The following EDN3 variants were observed in gnomAD, a reference collection of about 807,000 sequenced individuals.
EDN3 encodes the protein endothelin 3, also known as endothelin-3.
In EDN3, 9 loss-of-function variants were observed where a neutral mutation model predicts 21.4. The observed-to-expected ratio is 0.42, with a 90% CI of 0.25 to 0.73. EDN3 has a LOEUF of 0.73. EDN3 is among the 30% of genes least tolerant of loss of function. The pLI is 0.26. For missense variants in EDN3, 327 were observed against 309.4 expected, an observed-to-expected ratio of 1.06 and a Z score of -0.43; for synonymous variants, 133 against 126.2, an observed-to-expected ratio of 1.05 and a Z score of -0.36.
chr20:59,310,618 T>C lies in EDN3; in HGVS notation c.365+8896T>C, dbSNP rs192635391. On this transcript the variant is annotated intron_variant, in intron 2 of 4. Coordinates refer to ENST00000337938, the MANE Select transcript of EDN3 (RefSeq NM_207034.3). The stretch of plus-strand genomic sequence containing the variant: ...TTGGAAGCACTGGCCTCTTCTTCTT[T>C]TGTGGCCTCCTCAGGGCAGACTTGG... 6.7e-3 allele frequency among the ~76,000 whole-genome samples: 1,026 copies of C among 152,242 alleles called. 14 individuals carry two copies. Among genetic ancestry groups the C allele is most frequent in the African/African-American group, 0.024 (990 of 41,534 alleles).
chr20:59,323,021 A>T (rs1990644132), intron 4 of EDN3, among the ~76,000 whole-genome samples: 1 of 152,120 alleles, frequency 6.6e-6, no homozygotes, highest in African/African-American at 2.4e-5. Flanking sequence ...TATCAATCAG[A>T]AGTCATTATT....
intron 2 of EDN3, among the ~76,000 whole-genome samples, chr20:59,317,177 G>T (rs1186226977): frequency 1.3e-5 from 2 of 152,214 alleles, no homozygotes; most frequent in East Asian, 1.9e-4. Flanking sequence ...AATGAAATAT[G>T]AATGCTCATG....
intron 2 of EDN3, among the ~76,000 whole-genome samples, chr20:59,304,985 C>T (rs2146826747): frequency 6.6e-6 from 1 of 152,284 alleles, no homozygotes; most frequent in Middle Eastern, 3.4e-3. Flanking sequence ...TGCCTTCTCC[C>T]ACACAGGAGG....
At chr20:59,308,842 G>A (rs925674588) in intron 2 of EDN3, among the ~76,000 whole-genome samples, 14 of 152,172 alleles carry the variant, frequency 9.2e-5, no homozygotes, top group African/African-American at 2.9e-4. Context: ...CCTTGCTCAA[G>A]TTCTGCTGGG....
At chr20:59,316,212 T>C (rs373401887) in intron 2 of EDN3, among the ~76,000 whole-genome samples, 3 of 152,126 alleles carry the variant, frequency 2.0e-5, no homozygotes, top group African/African-American at 7.2e-5. Context: ...AAAACACTGT[T>C]GACTGAAAAA....
chr20:59,318,314 A>C lies in EDN3; in HGVS notation c.366-2703A>C, dbSNP rs111714313. ...AGAGAAGGTACTGGGCCTCCACCAC[A>C]TGTCGATACGGAGTGGCCAGGAGCC... On this transcript the variant is annotated intron_variant, in intron 2 of 4. Transcript: ENST00000337938. Among the ~76,000 whole-genome samples the C allele has an allele frequency of 6.2e-4, 94 of 152,334 alleles. 1 individual carries two copies. The highest frequency in any genetic ancestry group is 3.4e-3 in the Middle Eastern group (1 of 294).
At position 59,304,026 on chromosome 20, in the gene EDN3, G is replaced by A. The variant is rs1159893013; in HGVS notation, c.365+2304G>A. On this transcript the variant is annotated intron_variant, in intron 2 of 4. Transcript: ENST00000337938. Reference sequence around the variant, plus strand: ...AAATGGCCTCCTTCCCTCCCTTCCTGCCTCCCTCCTTTCTTTCTTACCCTC... The same window carrying A: ...AAATGGCCTCCTTCCCTCCCTTCCTACCTCCCTCCTTTCTTTCTTACCCTC... Among the ~76,000 whole-genome samples, 3 of 151,856 alleles carry A rather than the reference G, an allele frequency of 2.0e-5. No homozygotes were observed. The East Asian group carries it at 5.8e-4, about 29-fold the overall frequency.
chr20:59,303,323 C>T (rs1481677293), intron 2 of EDN3, among the ~76,000 whole-genome samples: 1 of 152,194 alleles, frequency 6.6e-6, no homozygotes, highest in Non-Finnish European at 1.5e-5. Flanking sequence ...CATCAATTGC[C>T]TCTTATCCTC....
rs1353810716 is a variant in EDN3, at chr20:59,305,056, G to A, written c.365+3334G>A. Among the ~76,000 whole-genome samples, 1 of 152,194 alleles carries A rather than the reference G, an allele frequency of 6.6e-6. No homozygotes were observed. Among genetic ancestry groups the A allele is most frequent in the Admixed American group, 6.5e-5 (1 of 15,278 alleles). On this transcript the variant is annotated intron_variant, in intron 2 of 4. Coordinates refer to ENST00000337938, the MANE Select transcript of EDN3 (RefSeq NM_207034.3). This position sits in a 1 kb window ranked among gnomAD's most constrained non-coding sequence, Gnocchi z 4.2. ...CCTGCACATCCCTGTAGACAGGGGT[G>A]GGCAAGAGAGTTTTTCTTGGGGATG...
In EDN3 at chr20:59,322,537, C is replaced by T. The variant is rs1990615638; in HGVS notation, c.588+120C>T. The T allele has an allele frequency of 9.6e-6, 13 of 1,348,380 alleles. No homozygotes were observed. In the East Asian group the frequency reaches 3.1e-4, roughly 32 times the overall value. The allele number at this position is 1,348,380 out of a possible 1,614,324, so 83.5% of individuals were successfully genotyped here. A position where few individuals can be genotyped will look rare whatever the true frequency, so the allele number is the denominator to read the frequency against. Reference sequence around the variant, plus strand: ...ATCTGGTCTGGTCCAGTGGGAACCCCAGATCTCATGGGATGCTGCACCCAC... The same window carrying T: ...ATCTGGTCTGGTCCAGTGGGAACCCTAGATCTCATGGGATGCTGCACCCAC... On this transcript the variant is annotated intron_variant, in intron 4 of 4. Transcript: ENST00000337938. This position sits in a 1 kb window ranked among gnomAD's most constrained non-coding sequence, Gnocchi z 4.1.
Position 59,322,379 on chromosome 20 carries a change from A to G in EDN3, c.550A>G (p.Arg184Gly). 1.2e-6 allele frequency: 2 copies of G among 1,614,200 alleles called. No homozygotes were observed. The highest frequency in any genetic ancestry group is 1.7e-6 in the Non-Finnish European group (2 of 1,180,026). Reference protein sequence around the residue: ...TQTLDVSSNSRTAEKTDKEEE... With the variant: ...TQTLDVSSNSGTAEKTDKEEE... ...CCAGCTCTCTCCCCACAGTAATTCA[A>G]GGACGGCAGAAAAAACAGACAAAGA... The change falls in exon 4 of 5, where the codon AGG becomes GGG. Residue 184 changes from arginine (R) to glycine (G), a missense_variant. By Grantham distance (125) the Arg-to-Gly change is moderately radical (BLOSUM62 -2). Coordinates refer to ENST00000337938, the MANE Select transcript of EDN3 (RefSeq NM_207034.3). The surrounding 1 kb of genome is among the most constrained non-coding windows in gnomAD (Gnocchi z 4.1).
At chr20:59,315,439 C>T (rs11570315) in intron 2 of EDN3, among the ~76,000 whole-genome samples, 1,878 of 152,300 alleles carry the variant, frequency 0.012, 32 homozygotes, top group Non-Finnish European at 0.018. Context: ...AAATGTGAAC[C>T]GAGGAAGCAG....
In EDN3 at chr20:59,321,317, T is replaced by C. The variant is rs1990531389; in HGVS notation, c.542+124T>C. On this transcript the variant is annotated intron_variant, in intron 3 of 4. Transcript: ENST00000337938. ...GTCACATCCTGACCTACTGTCGTCC[T>C]GTGGGCCAGAGAAAGGAGGTGCTGA... is the stretch of plus-strand genomic sequence containing the variant. The C allele has an allele frequency of 4.2e-6, 5 of 1,180,840 alleles. No individual in the cohort carries two copies. In the East Asian group the frequency reaches 1.2e-4, roughly 28 times the overall value. 73.1% of individuals were successfully genotyped at this position (1,180,840 alleles called of 1,614,324 possible). A position where few individuals can be genotyped will look rare whatever the true frequency, so the allele number is the denominator to read the frequency against.
intron 2 of EDN3, among the ~76,000 whole-genome samples, chr20:59,309,543 G>C (rs1033202678): frequency 1.8e-4 from 27 of 152,180 alleles, no homozygotes; most frequent in African/African-American, 6.5e-4. Flanking sequence ...TGAAAGAAGA[G>C]GGTGTTGGCC....
chr20:59,315,926 C>T (rs1990146919), intron 2 of EDN3, among the ~76,000 whole-genome samples: 1 of 152,158 alleles, frequency 6.6e-6, no homozygotes, highest in South Asian at 2.1e-4. Context: ...ATGGTTCACG[C>T]CTGTAATCCC....
chr20:59,322,447 A>C lies in EDN3; in HGVS notation c.588+30A>C. On this transcript the variant is annotated intron_variant, in intron 4 of 4. Coordinates refer to ENST00000337938, the MANE Select transcript of EDN3 (RefSeq NM_207034.3). This position sits in a 1 kb window ranked among gnomAD's most constrained non-coding sequence, Gnocchi z 4.1. ...GAGGTGCCAACAGAGGCCTGTGTCA[A>C]AGGAGGTGAAGATGTGACGTGTCAT... 1.9e-6 allele frequency: 3 copies of C among 1,614,198 alleles called. No individual in the cohort carries two copies. The highest frequency in any genetic ancestry group is 2.5e-6 in the Non-Finnish European group (3 of 1,180,008).
intron 2 of EDN3, among the ~76,000 whole-genome samples, chr20:59,306,331 T>G (rs1180701612): frequency 6.6e-6 from 1 of 152,210 alleles, no homozygotes; most frequent in Non-Finnish European, 1.5e-5. Flanking sequence ...CCAGAAGTGC[T>G]GCCCTTGAGT....
chr20:59,321,848 A>G (rs1364068436), intron 3 of EDN3, among the ~76,000 whole-genome samples: 2 of 152,114 alleles, frequency 1.3e-5, no homozygotes, highest in Admixed American at 6.5e-5. Flanking sequence ...CAACAGGCAG[A>G]CTCCATGTTT....
chr20:59,324,676 C>A lies in EDN3; in HGVS notation c.*217C>A. On this transcript the variant is annotated 3_prime_UTR_variant, in exon 5 of 5. Transcript: ENST00000337938. Reference sequence around the variant, plus strand: ...TGAGTAAAATGATCCCAGATGTGCCCCAGAGCATGACGCCTGCAGCTCCGG... The same window carrying A: ...TGAGTAAAATGATCCCAGATGTGCCACAGAGCATGACGCCTGCAGCTCCGG... 1.6e-6 allele frequency: 1 copy of A among 641,308 alleles called. No homozygotes were observed. The highest frequency in any genetic ancestry group is 2.7e-5 in the Admixed American group (1 of 36,794). The allele number at this position is 641,308 out of a possible 1,614,324, so 39.7% of individuals were successfully genotyped here. A position where few individuals can be genotyped will look rare whatever the true frequency, so the allele number is the denominator to read the frequency against.
Sources: allele counts gnomAD v4.1 joint callset (sites outside exome capture counted in the v4.1 genomes callset), GRCh38; gene constraint gnomAD v4.1.1; non-coding constraint Gnocchi (gnomAD v3.1); transcripts MANE v1.5; gene names NCBI Gene and HGNC (gene_info 2026-07-23, HGNC 2026-07-21).